The following DOCK2 variants were observed in gnomAD, a reference collection of about 807,000 sequenced individuals.
The protein encoded by DOCK2 is dedicator of cytokinesis protein 2.
Under a neutral mutation model 248.9 loss-of-function variants are expected in DOCK2, and 87 were observed. The ratio of observed to expected loss-of-function variants is 0.35; its 90% confidence interval spans 0.29 to 0.42. The LOEUF (loss-of-function observed/expected upper bound fraction) is 0.42, where lower values mean the gene tolerates loss of function less well. Among genes scored for constraint, DOCK2 ranks in the 10% least tolerant of loss-of-function variants. The pLI is 1.00. For missense variants in DOCK2, 1,747 were observed against 2,300.2 expected (o/e 0.76, Z 4.92); for synonymous variants, 805 against 821.6 (o/e 0.98, Z 0.35).
intron 27 of DOCK2, among the ~76,000 whole-genome samples, chr5:169,967,158 G>A (rs1777331448): frequency 6.6e-6 from 1 of 152,192 alleles, no homozygotes; most frequent in Non-Finnish European, 1.5e-5. Flanking sequence ...AGATAAAGTG[G>A]GTTCCTGAAA....
chr5:169,761,687 G>A, intron 25 of DOCK2, 62 bp downstream of exon 25: 1 of 1,468,594 alleles, frequency 6.8e-7, no homozygotes, highest in South Asian at 1.2e-5. Flanking sequence ...CATCATTTTG[G>A]GGAAGCTTGG....
intron 41 of DOCK2, among the ~76,000 whole-genome samples, chr5:170,055,046 A>G (rs1029930121): frequency 1.3e-5 from 2 of 152,240 alleles, no homozygotes; most frequent in African/African-American, 2.4e-5. Context: ...TATAGCAATG[A>G]TGATGATTAA....
intron 24 of DOCK2, among the ~76,000 whole-genome samples, chr5:169,760,761 T>C (rs963456858): frequency 2.0e-5 from 3 of 152,216 alleles, no homozygotes; most frequent in Admixed American, 6.5e-5. Context: ...TATTAGAATG[T>C]AAGTTCCATG....
In DOCK2 at chr5:169,999,474, A is replaced by G. The variant is rs764109145; in HGVS notation, c.3072+3310A>G. On this transcript the variant is annotated intron_variant, in intron 30 of 51. Coordinates refer to ENST00000520908, the MANE Select transcript of DOCK2 (RefSeq NM_004946.3). ...ATGATTATGATGATCATGCCCCTAA[A>G]TGTGTCAGGGCTGGGAATGCATGTC... Among the ~76,000 whole-genome samples, 8 of 152,278 alleles carry G rather than the reference A, an allele frequency of 5.3e-5. No homozygotes were observed. In the South Asian group the frequency reaches 6.2e-4, roughly 12 times the overall value.
At chr5:169,812,467 G>A (rs1767817898) in intron 26 of DOCK2, among the ~76,000 whole-genome samples, 1 of 152,166 alleles carries the variant, frequency 6.6e-6, no homozygotes, top group Non-Finnish European at 1.5e-5. Context: ...GAAATAAAGT[G>A]CACGGTAAAT....
chr5:169,901,401 T>G (rs1436569402), intron 27 of DOCK2, among the ~76,000 whole-genome samples: 2 of 152,084 alleles, frequency 1.3e-5, no homozygotes, highest in African/African-American at 4.8e-5. Flanking sequence ...CAGAATGACT[T>G]CAAGAGGTTT....
chr5:169,886,885 G>T lies in DOCK2; in HGVS notation c.2799+46033G>T, dbSNP rs59081648. 2.0e-5 allele frequency among the ~76,000 whole-genome samples: 3 copies of T among 152,308 alleles called. No homozygotes were observed. In the East Asian group the frequency reaches 5.8e-4, roughly 29 times the overall value. ...GAGGCTGGTTTTCATAAGAGCTAATGTCTAGTGCATTGATTATGTGCCAGG... is the reference window on the plus strand; with the variant it reads ...GAGGCTGGTTTTCATAAGAGCTAATTTCTAGTGCATTGATTATGTGCCAGG... On this transcript the variant is annotated intron_variant, in intron 27 of 51. Coordinates refer to ENST00000520908, the MANE Select transcript of DOCK2 (RefSeq NM_004946.3).
chr5:170,057,478 C>T, intron 43 of DOCK2, 102 bp from the exon 44 acceptor site: 1 of 935,088 alleles, frequency 1.1e-6, no homozygotes. Flanking sequence ...AGATGGGAGG[C>T]CCGGGGACCT....
In DOCK2 at chr5:169,714,157, C is replaced by T. The variant is rs1761747018; in HGVS notation, c.1789C>T (p.Arg597Trp). ...SSVGGLSVSS[R>W]DVFSISTLVC... ...TGTTGGGGGGCTTTCTGTCAGCTCCCGGGATGTGTTCTCCATTTCCACCCT... is the reference window on the plus strand; with the variant it reads ...TGTTGGGGGGCTTTCTGTCAGCTCCTGGGATGTGTTCTCCATTTCCACCCT... The change falls in exon 18 of 52, where the codon CGG (arginine) becomes TGG (tryptophan). Residue 597 changes from arginine to tryptophan, a missense_variant. Physicochemically the swap from Arg to Trp is moderately radical, Grantham distance 101. This residue lies in a region of DOCK2 where 858 missense variants were observed against 1,183.5 expected (regional missense o/e 0.72). Coordinates refer to ENST00000520908, the MANE Select transcript of DOCK2 (RefSeq NM_004946.3). 8.1e-6 allele frequency: 13 copies of T among 1,613,534 alleles called. No individual in the cohort carries two copies. Among genetic ancestry groups the T allele is most frequent in the East Asian group, 2.2e-5 (1 of 44,842 alleles).
At chr5:169,768,166 C>A (rs1189421830) in intron 25 of DOCK2, among the ~76,000 whole-genome samples, 2 of 152,168 alleles carry the variant, frequency 1.3e-5, no homozygotes, top group Non-Finnish European at 2.9e-5. Flanking sequence ...GTCCGTTGGC[C>A]AGAACACATC....
intron 27 of DOCK2, among the ~76,000 whole-genome samples, chr5:169,971,599 G>A (rs1458857559): frequency 1.3e-5 from 2 of 152,168 alleles, no homozygotes; most frequent in Non-Finnish European, 2.9e-5. Context: ...AAAAGCCAGA[G>A]TGTGATGATT....
At chr5:169,918,307 A>G (rs1160652542) in intron 27 of DOCK2, among the ~76,000 whole-genome samples, 1 of 152,234 alleles carries the variant, frequency 6.6e-6, no homozygotes. Context: ...TGAGTAATAA[A>G]TTATACTCTG....
chr5:170,068,412 C>A (rs1757569414), intron 45 of DOCK2, among the ~76,000 whole-genome samples: 1 of 152,196 alleles, frequency 6.6e-6, no homozygotes, highest in South Asian at 2.1e-4. Flanking sequence ...TCTAACAAAT[C>A]TTTTGATGAA....
At chr5:169,652,883 A>G (rs1286542727) in intron 1 of DOCK2, among the ~76,000 whole-genome samples, 3 of 152,206 alleles carry the variant, frequency 2.0e-5, no homozygotes, top group African/African-American at 7.2e-5. Context: ...TAGGGGTTAG[A>G]CACAGAGCAG....
chr5:170,001,044 C>T (rs949156210), intron 30 of DOCK2, among the ~76,000 whole-genome samples: 3 of 152,152 alleles, frequency 2.0e-5, no homozygotes, highest in African/African-American at 7.2e-5. Flanking sequence ...GAACGGTGGG[C>T]ACATGCTTGG....
chr5:169,883,574 CT>C (rs1229154084), intron 27 of DOCK2: 1 of 1,551,518 alleles, frequency 6.4e-7, no homozygotes, highest in African/African-American at 1.4e-5. Context: ...CTTTTGAAAA[CT>C]GGGAAATGCT....
intron 29 of DOCK2, among the ~76,000 whole-genome samples, chr5:169,990,756 G>C (rs1204538562): frequency 6.6e-6 from 1 of 152,210 alleles, no homozygotes; most frequent in African/African-American, 2.4e-5. Flanking sequence ...ACAGGGGATT[G>C]GGATTTGGAG....
rs1433698609 is a variant in DOCK2 at position 169,972,590 on chromosome 5, A to AGAT, written c.2800-10477_2800-10475dup. 8.9e-3 allele frequency among the ~76,000 whole-genome samples: 1,037 copies of AGAT among 115,906 alleles called. 8 individuals carry two copies. Among genetic ancestry groups the AGAT allele is most frequent in the Non-Finnish European group, 0.013 (741 of 56,690 alleles). The allele number at this position is 115,906 out of a possible 152,430, so 76.0% of individuals were successfully genotyped here. ...ATAGATAGATAGATAGATAGATGAT[A>AGAT]GATAGATAGATAGATAGATAGATAG... is the stretch of plus-strand genomic sequence containing the variant. On this transcript the variant is annotated intron_variant, in intron 27 of 51. Coordinates refer to ENST00000520908, the MANE Select transcript of DOCK2 (RefSeq NM_004946.3).
At chr5:169,801,886 T>C (rs2113125878) in intron 25 of DOCK2, among the ~76,000 whole-genome samples, 1 of 152,084 alleles carries the variant, frequency 6.6e-6, no homozygotes, top group South Asian at 2.1e-4. Context: ...ATCTTATCTC[T>C]GTACCTTGAT....
Sources: allele counts gnomAD v4.1 joint callset (sites outside exome capture counted in the v4.1 genomes callset), GRCh38; gene constraint gnomAD v4.1.1; regional missense constraint gnomAD v4.1.1; transcripts MANE v1.5; gene names NCBI Gene and HGNC (gene_info 2026-07-23, HGNC 2026-07-21).